KCNIP4: variants seen among roughly 807,000 people sequenced by gnomAD.
KCNIP4 encodes Kv channel-interacting protein 4.
In KCNIP4, 12 loss-of-function variants were observed where a neutral mutation model predicts 34.0. The observed-to-expected ratio is 0.35, with a 90% CI of 0.23 to 0.57. KCNIP4 has a LOEUF of 0.57. Among genes scored for constraint, KCNIP4 ranks in the 20% least tolerant of loss-of-function variants. The pLI is 0.83. For missense variants in KCNIP4, 238 were observed against 311.7 expected, an observed-to-expected ratio of 0.76 and a Z score of 1.78; for synonymous variants, 124 against 102.2, an observed-to-expected ratio of 1.21 and a Z score of -1.29.
intron 3 of KCNIP4, among the ~76,000 whole-genome samples, chr4:20,831,640 A>G (rs557986145): frequency 6.6e-6 from 1 of 152,360 alleles, no homozygotes; most frequent in African/African-American, 2.4e-5. Flanking sequence ...GTTTTCAATA[A>G]ATGTAACCTG....
chr4:20,859,769 A>G (rs1373048615), intron 2 of KCNIP4, among the ~76,000 whole-genome samples: 2 of 152,186 alleles, frequency 1.3e-5, no homozygotes, highest in African/African-American at 4.8e-5. Flanking sequence ...TGCCATCCAG[A>G]ACACTACTAC....
chr4:21,469,827 AG>A (rs2109801658), intron 1 of KCNIP4, among the ~76,000 whole-genome samples: 1 of 152,312 alleles, frequency 6.6e-6, no homozygotes, highest in East Asian at 1.9e-4. Flanking sequence ...CTTAAAGGGC[AG>A]GTGTTGATGG....
At chr4:21,355,287 G>T (rs1393298907) in intron 1 of KCNIP4, among the ~76,000 whole-genome samples, 1 of 152,072 alleles carries the variant, frequency 6.6e-6, no homozygotes, top group Non-Finnish European at 1.5e-5. Context: ...CAGAAGGCAA[G>T]AAATAACTAA....
intron 1 of KCNIP4, chr4:21,763,056 A>G (rs1577956318): frequency 7.8e-7 from 1 of 1,288,812 alleles, no homozygotes; most frequent in Non-Finnish European, 1.0e-6. Flanking sequence ...ACATATGCAC[A>G]GTTTGCCTAA....
chr4:21,320,693 G>A (rs1028542010), intron 1 of KCNIP4, among the ~76,000 whole-genome samples: 13 of 152,032 alleles, frequency 8.6e-5, no homozygotes, highest in Admixed American at 3.3e-4. Flanking sequence ...TTCCTAGGCC[G>A]GAAGCGGTGG....
At chr4:21,869,715 T>A (rs537889976) in intron 1 of KCNIP4, among the ~76,000 whole-genome samples, 51 of 150,566 alleles carry the variant, frequency 3.4e-4, no homozygotes, top group African/African-American at 1.2e-3. Flanking sequence ...CACCGCCACA[T>A]AGAGAGATAA....
chr4:21,754,703 T>C (rs1238817224), intron 1 of KCNIP4, among the ~76,000 whole-genome samples: 2 of 152,144 alleles, frequency 1.3e-5, no homozygotes, highest in Non-Finnish European at 2.9e-5. Context: ...TTCCCTAAAC[T>C]GTCAACTCTA....
At chr4:21,028,361 CCT>C (rs1740727871) in intron 1 of KCNIP4, among the ~76,000 whole-genome samples, 1 of 152,172 alleles carries the variant, frequency 6.6e-6, no homozygotes, top group Non-Finnish European at 1.5e-5. Context: ...TCTCCAACAG[CCT>C]CTGATTTTTA....
chr4:21,921,440 A>T (rs150102479), intron 1 of KCNIP4, among the ~76,000 whole-genome samples: 2,026 of 152,196 alleles, frequency 0.013, 39 homozygotes, highest in African/African-American at 0.046. Flanking sequence ...TTCAATCCCA[A>T]TCTCTACTCT....
intron 1 of KCNIP4, among the ~76,000 whole-genome samples, chr4:21,714,806 T>C (rs13152122): frequency 0.57 from 767 of 1,338 alleles, 221 homozygotes; most frequent in Middle Eastern, 1. Flanking sequence ...TTTATTTTAT[T>C]TTATTTTATT....
intron 1 of KCNIP4, among the ~76,000 whole-genome samples, chr4:21,581,504 T>C (rs1220658193): frequency 6.6e-6 from 1 of 151,992 alleles, no homozygotes; most frequent in Admixed American, 6.6e-5. Flanking sequence ...AATTCTGACT[T>C]TGCCAGTCTC....
intron 1 of KCNIP4, among the ~76,000 whole-genome samples, chr4:20,957,939 A>G (rs1733479916): frequency 2.0e-5 from 3 of 152,222 alleles, no homozygotes; most frequent in Admixed American, 2.0e-4. Flanking sequence ...TGATACAGCA[A>G]AAGACAGAAG....
At chr4:21,171,394 A>C (rs1408795846) in intron 1 of KCNIP4, among the ~76,000 whole-genome samples, 2 of 152,222 alleles carry the variant, frequency 1.3e-5, no homozygotes, top group African/African-American at 4.8e-5. Context: ...TCTTTGTTAG[A>C]GACAGAATAC....
At chr4:21,051,306 A>G (rs1742907726) in intron 1 of KCNIP4, among the ~76,000 whole-genome samples, 1 of 152,260 alleles carries the variant, frequency 6.6e-6, no homozygotes, top group Non-Finnish European at 1.5e-5. Context: ...GTAAATGGCA[A>G]GTCCAGCAGT....
chr4:21,648,240 C>T (rs1222677527), intron 1 of KCNIP4, among the ~76,000 whole-genome samples: 1 of 152,012 alleles, frequency 6.6e-6, no homozygotes, highest in Non-Finnish European at 1.5e-5. Flanking sequence ...CGAGGTAAAC[C>T]ATATAAAAAT....
At chr4:21,785,032 A>AAG (rs1199016536) in intron 1 of KCNIP4, among the ~76,000 whole-genome samples, 1 of 152,158 alleles carries the variant, frequency 6.6e-6, no homozygotes, top group African/African-American at 2.4e-5. Flanking sequence ...CATCCCTTGC[A>AAG]GTCAATAGCT....
intron 4 of KCNIP4, among the ~76,000 whole-genome samples, chr4:20,756,345 C>T (rs865836028): frequency 1.3e-5 from 2 of 152,120 alleles, no homozygotes; most frequent in African/African-American, 4.8e-5. Flanking sequence ...TTCATGGACT[C>T]CACTATCCCA....
chr4:21,250,585 C>T (rs1760630636), intron 1 of KCNIP4, among the ~76,000 whole-genome samples: 1 of 152,072 alleles, frequency 6.6e-6, no homozygotes, highest in Non-Finnish European at 1.5e-5. Context: ...TACATAAAAA[C>T]ATATCTGGTC....
At chr4:20,966,912 G>A (rs1734401155) in intron 1 of KCNIP4, among the ~76,000 whole-genome samples, 1 of 152,062 alleles carries the variant, frequency 6.6e-6, no homozygotes, top group African/African-American at 2.4e-5. Flanking sequence ...TGTGAAGTTG[G>A]TATTATGATG....
Sources: allele counts gnomAD v4.1 joint callset (sites outside exome capture counted in the v4.1 genomes callset), GRCh38; gene constraint gnomAD v4.1.1; transcripts MANE v1.5; gene names NCBI Gene and HGNC (gene_info 2026-07-23, HGNC 2026-07-21).